The following SCAPER variants were observed in gnomAD, a reference collection of about 807,000 sequenced individuals.
SCAPER encodes S-phase cyclin A associated protein in the ER, also known as S phase cyclin A-associated protein in the endoplasmic reticulum.
SCAPER carries 98 observed loss-of-function variants against 182.2 expected under a neutral mutation model. The ratio of observed to expected loss-of-function variants is 0.54; its 90% CI spans 0.46 to 0.64. The LOEUF (loss-of-function observed/expected upper bound fraction) is 0.64. Among genes scored for constraint, SCAPER ranks in the 30% least tolerant of loss-of-function variants. SCAPER has a pLI of 0.00. For synonymous variants in SCAPER, 605 were observed against 564.6 expected (o/e 1.07, Z -1.01); for missense variants, 1,432 against 1,690.0 (o/e 0.85, Z 2.68).
chr15:76,708,296 T>C (rs1400630057), intron 17 of SCAPER, among the ~76,000 whole-genome samples: 1 of 152,114 alleles, frequency 6.6e-6, no homozygotes, highest in African/African-American at 2.4e-5. Flanking sequence ...TTTTGACCCA[T>C]GGTTGACTGA....
intron 26 of SCAPER, among the ~76,000 whole-genome samples, chr15:76,427,873 C>CA (rs1440330758): frequency 2.0e-5 from 3 of 150,092 alleles, no homozygotes; most frequent in Non-Finnish European, 3.0e-5. Flanking sequence ...GCAGAGGTTG[C>CA]AGTGAGCTGA....
At chr15:76,349,930 G>C (rs1044780219) in intron 31 of SCAPER, 1 of 152,038 alleles carries the variant, frequency 6.6e-6, no homozygotes, top group African/African-American at 2.4e-5. Flanking sequence ...ATGATCAGGA[G>C]AAAGAGTAAG....
chr15:76,894,333 G>A (rs1003871408), intron 1 of SCAPER, among the ~76,000 whole-genome samples: 1 of 152,188 alleles, frequency 6.6e-6, no homozygotes, highest in Non-Finnish European at 1.5e-5. Context: ...ACTTAGGTGG[G>A]AGGATTGCTT....
At chr15:76,867,566 G>C (rs990574507) in intron 2 of SCAPER, among the ~76,000 whole-genome samples, 2 of 152,086 alleles carry the variant, frequency 1.3e-5, no homozygotes, top group African/African-American at 4.8e-5. Context: ...ATTATAAGGG[G>C]GAAACAACTT....
chr15:76,724,486 G>A (rs2060467150), intron 17 of SCAPER, among the ~76,000 whole-genome samples: 2 of 152,100 alleles, frequency 1.3e-5, no homozygotes, highest in African/African-American at 2.4e-5. Context: ...TTGCTGGATT[G>A]GGGAAGTTCT....
chr15:76,540,523 T>C (rs1205167879), intron 23 of SCAPER, among the ~76,000 whole-genome samples: 3 of 152,164 alleles, frequency 2.0e-5, no homozygotes, highest in African/African-American at 4.8e-5. Flanking sequence ...TACACGTCTA[T>C]ATTTTTATTT....
chr15:76,883,398 C>T (rs1403308923), intron 2 of SCAPER, among the ~76,000 whole-genome samples: 1 of 152,214 alleles, frequency 6.6e-6, no homozygotes, highest in Non-Finnish European at 1.5e-5. Flanking sequence ...GGGAATTTCA[C>T]ATCGGTCCCC....
chr15:76,903,788 G>C (rs1241062140), intron 1 of SCAPER, among the ~76,000 whole-genome samples: 1 of 152,060 alleles, frequency 6.6e-6, no homozygotes, highest in Non-Finnish European at 1.5e-5. Flanking sequence ...GCTTACCATG[G>C]GCTAGGAACA....
At chr15:76,851,052 A>C (rs1395669144) in intron 4 of SCAPER, among the ~76,000 whole-genome samples, 2 of 152,116 alleles carry the variant, frequency 1.3e-5, no homozygotes, top group African/African-American at 4.8e-5. Flanking sequence ...TAAGAATTTC[A>C]CAACACAATC....
chr15:76,406,803 G>T (rs1378455790), intron 26 of SCAPER, among the ~76,000 whole-genome samples: 2 of 152,238 alleles, frequency 1.3e-5, no homozygotes, highest in African/African-American at 4.8e-5. Context: ...CATTGTTAAA[G>T]ATGCTACCTG....
At chr15:76,705,326 C>T (rs902895821) in intron 18 of SCAPER, among the ~76,000 whole-genome samples, 1 of 141,502 alleles carries the variant, frequency 7.1e-6, no homozygotes, top group African/African-American at 2.7e-5. Context: ...CATGTTCTCA[C>T]TCATAGATGG....
At chr15:76,863,569 CA>C (rs1367135320) in intron 2 of SCAPER, among the ~76,000 whole-genome samples, 4 of 152,142 alleles carry the variant, frequency 2.6e-5, no homozygotes, top group African/African-American at 9.7e-5. Flanking sequence ...TGCTTGTCCT[CA>C]AAGAGCTAAC....
At chr15:76,652,256 T>TA (rs1160100739) in intron 21 of SCAPER, among the ~76,000 whole-genome samples, 56 of 5,600 alleles carry the variant, frequency 0.01, 2 homozygotes, top group Admixed American at 0.021. Context: ...GTGTCTCTGC[T>TA]AAAAAAAAAA....
At chr15:76,720,526 C>T (rs2060167258) in intron 17 of SCAPER, among the ~76,000 whole-genome samples, 1 of 152,214 alleles carries the variant, frequency 6.6e-6, no homozygotes, top group African/African-American at 2.4e-5. Context: ...AATGGTTGAA[C>T]TAGTTTACAG....
chr15:76,465,007 A>G (rs1461603703), intron 25 of SCAPER, among the ~76,000 whole-genome samples: 1 of 152,030 alleles, frequency 6.6e-6, no homozygotes, highest in East Asian at 1.9e-4. Flanking sequence ...CTTTTCATAT[A>G]CGTGTTGTTC....
intron 4 of SCAPER, among the ~76,000 whole-genome samples, chr15:76,855,181 C>T (rs2071212342): frequency 6.6e-6 from 1 of 152,052 alleles, no homozygotes; most frequent in Non-Finnish European, 1.5e-5. Flanking sequence ...GGAGAAAGGA[C>T]TCTCTATTCA....
At chr15:76,379,465 TTTG>T (rs1211266407) in intron 28 of SCAPER, among the ~76,000 whole-genome samples, 1 of 150,520 alleles carries the variant, frequency 6.6e-6, no homozygotes, top group Non-Finnish European at 1.5e-5. Flanking sequence ...TTTTATTTAT[TTTG>T]TTATTTCATT....
intron 18 of SCAPER, among the ~76,000 whole-genome samples, chr15:76,703,923 T>A (rs2059104711): frequency 6.6e-6 from 1 of 152,124 alleles, no homozygotes; most frequent in South Asian, 2.1e-4. Flanking sequence ...AATACAGTCT[T>A]CTACCTTAGG....
intron 24 of SCAPER, among the ~76,000 whole-genome samples, chr15:76,471,903 G>A (rs934540480): frequency 3.9e-5 from 6 of 152,128 alleles, no homozygotes; most frequent in Admixed American, 3.3e-4. Flanking sequence ...ACTGGCCTGC[G>A]TGGGCCCAGA....
Sources: gnomAD v4.1 joint callset for allele counts (sites outside exome capture counted in the v4.1 genomes callset) on GRCh38, gnomAD v4.1.1 for gene constraint, MANE v1.5 for transcripts, NCBI Gene and HGNC (gene_info 2026-07-23, HGNC 2026-07-21) for gene names.